Variants in CSMD1 observed in about 807,000 individuals in gnomAD.
The protein encoded by CSMD1 is CUB and sushi domain-containing protein 1.
A neutral mutation model predicts 417.5 loss-of-function variants in CSMD1; 213 were observed. That is an observed-to-expected ratio of 0.51 (90% CI 0.46 to 0.57). The LOEUF is 0.57. CSMD1 is among the 20% of genes least tolerant of loss of function. The probability of loss-of-function intolerance (pLI) is 0.00; values close to 1 mark genes in which losing one functional copy is unlikely to be tolerated. For synonymous variants in CSMD1, 2,862 were observed against 1,736.8 expected (o/e 1.65, Z -16.11); for missense variants, 6,923 against 4,529.7 (o/e 1.53, Z -15.17).
chr8:4,474,855 C>T (rs905558210), intron 2 of CSMD1, among the ~76,000 whole-genome samples: 1 of 152,120 alleles, frequency 6.6e-6, no homozygotes, highest in African/African-American at 2.4e-5. Flanking sequence ...ATTTTCTCTT[C>T]CTTATGACTT....
intron 1 of CSMD1, among the ~76,000 whole-genome samples, chr8:4,804,110 C>T (rs553416127): frequency 6.6e-6 from 1 of 152,214 alleles, no homozygotes; most frequent in East Asian, 1.9e-4. Context: ...AAATTATTTC[C>T]ACAATAACGA....
At chr8:3,496,727 G>C (rs970072626) in intron 10 of CSMD1, among the ~76,000 whole-genome samples, 4 of 152,088 alleles carry the variant, frequency 2.6e-5, no homozygotes, top group Admixed American at 6.6e-5. Flanking sequence ...TCGGGAAGCT[G>C]AGGCAGGAGA....
rs1249288235 is a variant in CSMD1, at chr8:4,447,752, CTT to C, written c.303-27689_303-27688del. Among the ~76,000 whole-genome samples, 5 of 151,366 alleles carry C rather than the reference CTT, an allele frequency of 3.3e-5. No homozygotes were observed. The East Asian group carries it at 5.8e-4, about 18-fold the overall frequency. Reference sequence around the variant, plus strand: ...AGTCTCCAAATTAAGATTTAAGACTCTTTTGCAGTTATGTATCAAGTGTTATA... The same window carrying C: ...AGTCTCCAAATTAAGATTTAAGACTCTTGCAGTTATGTATCAAGTGTTATA... On this transcript the variant is annotated intron_variant, in intron 2 of 69. Coordinates refer to ENST00000635120, the MANE Select transcript of CSMD1 (RefSeq NM_033225.6).
chr8:3,095,257 A>G (rs1815217101), intron 47 of CSMD1, among the ~76,000 whole-genome samples: 1 of 152,186 alleles, frequency 6.6e-6, no homozygotes, highest in African/African-American at 2.4e-5. Context: ...AAACACAGAC[A>G]TACAGCCTGT....
At chr8:4,816,026 G>A (rs918576436) in intron 1 of CSMD1, among the ~76,000 whole-genome samples, 1 of 152,154 alleles carries the variant, frequency 6.6e-6, no homozygotes, top group African/African-American at 2.4e-5. Flanking sequence ...AAGGAAAGCA[G>A]GTGCAGAGGC....
chr8:3,257,168 A>G lies in CSMD1; in HGVS notation c.4154-26937T>C, dbSNP rs1800714366. Among the ~76,000 whole-genome samples the G allele has an allele frequency of 3.9e-5, 6 of 152,214 alleles. No individual in the cohort carries two copies. The South Asian group carries it at 1.2e-3, about 32-fold the overall frequency. ...GAAACCCCATCTCCGCTAAAAACAC[A>G]AAAATTTGCTGGGTTTGGTGGTGCA... is the stretch of plus-strand genomic sequence containing the variant. On this transcript the variant is annotated intron_variant, in intron 26 of 69. Coordinates refer to ENST00000635120, the MANE Select transcript of CSMD1 (RefSeq NM_033225.6).
chr8:4,959,689 C>T (rs769913722), intron 1 of CSMD1, among the ~76,000 whole-genome samples: 4 of 152,206 alleles, frequency 2.6e-5, no homozygotes, highest in African/African-American at 9.6e-5. Context: ...TGATCAAAAC[C>T]CTCCAATAGT....
chr8:3,809,599 T>A (rs942653646), intron 5 of CSMD1, among the ~76,000 whole-genome samples: 19 of 152,166 alleles, frequency 1.2e-4, no homozygotes, highest in African/African-American at 4.1e-4. Context: ...TGGCCCCACC[T>A]GCAGAGTGTC....
At chr8:4,478,681 G>T (rs536679864) in intron 2 of CSMD1, among the ~76,000 whole-genome samples, 3 of 152,156 alleles carry the variant, frequency 2.0e-5, no homozygotes, top group Non-Finnish European at 2.9e-5. Context: ...TATGGCCATG[G>T]TGCATGTTAA....
intron 3 of CSMD1, among the ~76,000 whole-genome samples, chr8:4,167,990 G>A (rs907913804): frequency 7.9e-5 from 12 of 152,036 alleles, no homozygotes; most frequent in Non-Finnish European, 1.3e-4. Context: ...TTAGCCAGGC[G>A]TGGTGGCAGA....
chr8:3,236,063 G>A (rs1173221156), intron 26 of CSMD1, among the ~76,000 whole-genome samples: 1 of 151,378 alleles, frequency 6.6e-6, no homozygotes, highest in African/African-American at 2.4e-5. Context: ...GACTACAGGC[G>A]CCTACCACCA....
chr8:3,632,588 C>T (rs1196540570), intron 7 of CSMD1, among the ~76,000 whole-genome samples: 3 of 152,114 alleles, frequency 2.0e-5, no homozygotes, highest in Admixed American at 6.5e-5. Context: ...GATGATGATT[C>T]TGGATTTACT....
intron 3 of CSMD1, among the ~76,000 whole-genome samples, chr8:4,052,279 T>G (rs368745347): frequency 1.4e-4 from 22 of 152,140 alleles, no homozygotes; most frequent in African/African-American, 4.8e-4. Flanking sequence ...AGCCTGCCAT[T>G]TGGCAAAAGA....
intron 51 of CSMD1, 109 bp downstream of exon 51, chr8:3,029,210 T>C (rs1168041850): frequency 7.7e-6 from 6 of 781,332 alleles, no homozygotes; most frequent in South Asian, 6.8e-5. Flanking sequence ...TTTTGATCTA[T>C]AGGACTATGG....
At chr8:3,687,590 G>A (rs1351022685) in intron 7 of CSMD1, among the ~76,000 whole-genome samples, 1 of 152,152 alleles carries the variant, frequency 6.6e-6, no homozygotes, top group Admixed American at 6.5e-5. Flanking sequence ...AACTGCTCTT[G>A]TAGGGATCTC....
chr8:3,710,228 A>T (rs1432775635), intron 6 of CSMD1, among the ~76,000 whole-genome samples: 1 of 152,084 alleles, frequency 6.6e-6, no homozygotes. Context: ...CATTGAACAG[A>T]GTCTAAAAAT....
intron 2 of CSMD1, among the ~76,000 whole-genome samples, chr8:4,498,531 A>C (rs776516052): frequency 1.3e-5 from 2 of 152,118 alleles, no homozygotes; most frequent in Non-Finnish European, 2.9e-5. Flanking sequence ...AATTTTAGGG[A>C]GGGATAGGAG....
chr8:3,169,751 A>G (rs1489957439), intron 37 of CSMD1, among the ~76,000 whole-genome samples: 2 of 152,154 alleles, frequency 1.3e-5, no homozygotes, highest in African/African-American at 4.8e-5. Context: ...CCTGTGAGAT[A>G]TAGCACGGTT....
intron 41 of CSMD1, among the ~76,000 whole-genome samples, chr8:3,126,875 T>C (rs1817539685): frequency 6.6e-6 from 1 of 152,092 alleles, no homozygotes; most frequent in Non-Finnish European, 1.5e-5. Context: ...GCTCCCTGCA[T>C]TGCAAGAGAG....
Sources: allele counts gnomAD v4.1 joint callset (sites outside exome capture counted in the v4.1 genomes callset), GRCh38; gene constraint gnomAD v4.1.1; transcripts MANE v1.5; gene names NCBI Gene and HGNC (gene_info 2026-07-23, HGNC 2026-07-21).